Variants in RASGRF1 observed in about 807,000 individuals in gnomAD.
The protein encoded by RASGRF1 is ras-specific guanine nucleotide-releasing factor 1.
Under a neutral mutation model 138.7 loss-of-function variants are expected in RASGRF1, and 40 were observed. The ratio of observed to expected loss-of-function variants is 0.29; its 90% CI spans 0.22 to 0.38. The LOEUF (loss-of-function observed/expected upper bound fraction) is 0.38. Among genes scored for constraint, RASGRF1 ranks in the 10% least tolerant of loss-of-function variants. The pLI is 1.00. For synonymous variants in RASGRF1, 614 were observed against 663.2 expected (o/e 0.93, Z 1.14); for missense variants, 1,108 against 1,650.4 (o/e 0.67, Z 5.69).
intron 24 of RASGRF1, among the ~76,000 whole-genome samples, chr15:78,976,485 C>T (rs2055873568): frequency 6.6e-6 from 1 of 152,130 alleles, no homozygotes; most frequent in East Asian, 1.9e-4. Flanking sequence ...ATATGCGGCC[C>T]TTAGGCCACG....
chr15:79,031,012 T>G (rs1354642928), intron 8 of RASGRF1, among the ~76,000 whole-genome samples: 2 of 152,222 alleles, frequency 1.3e-5, no homozygotes, highest in South Asian at 4.1e-4. Context: ...AACTAGAGCC[T>G]TGGGCACATG....
At chr15:79,002,171 C>T (rs1277891760) in intron 15 of RASGRF1, among the ~76,000 whole-genome samples, 19 of 137,588 alleles carry the variant, frequency 1.4e-4, no homozygotes, top group African/African-American at 5.4e-4. Flanking sequence ...CACGATCTCT[C>T]TTTTTTTTTT....
intron 17 of RASGRF1, 115 bp from the exon 18 acceptor site, chr15:78,998,940 A>C: frequency 2.7e-6 from 2 of 743,868 alleles, no homozygotes; most frequent in Non-Finnish European, 4.8e-6. Context: ...TGAGGGGGTC[A>C]TGGGCAGGGG....
chr15:79,046,683 C>G lies in RASGRF1; in HGVS notation c.878+63G>C. The G allele has an allele frequency of 6.3e-7, 1 of 1,595,494 alleles. No homozygotes were observed. Among genetic ancestry groups the G allele is most frequent in the Non-Finnish European group, 8.6e-7 (1 of 1,167,108 alleles). ...AACCACGTGAGAGAGTGTGTCAAAG[C>G]TTAGCTGCGGCCAATGCTCACTAGT... is the stretch of plus-strand genomic sequence containing the variant. On this transcript the variant is annotated intron_variant, in intron 5 of 26. Transcript: ENST00000558480. The surrounding 1 kb of genome is among the most constrained non-coding windows in gnomAD (Gnocchi z 5.3).
At chr15:79,043,078 A>G (rs1595932385) in intron 5 of RASGRF1, among the ~76,000 whole-genome samples, 1 of 152,146 alleles carries the variant, frequency 6.6e-6, no homozygotes, top group African/African-American at 2.4e-5. Flanking sequence ...GGTAGAGGAG[A>G]GGAACCAGCC....
intron 13 of RASGRF1, among the ~76,000 whole-genome samples, chr15:79,011,157 G>A (rs918402180): frequency 6.6e-6 from 1 of 152,056 alleles, no homozygotes; most frequent in African/African-American, 2.4e-5. Flanking sequence ...CCACTCCCCT[G>A]GGTTTGGCCC....
Position 79,032,020 on chromosome 15 carries a change from G to C in RASGRF1, c.1152+103C>G, listed in dbSNP as rs2057146882. ...ACCACCTCCCCCGCCCCCTTTGGCA[G>C]CCCAGAGCTGGGGTGCGTTAAGCAC... is the stretch of plus-strand genomic sequence containing the variant. On this transcript the variant is annotated intron_variant, in intron 7 of 26. Coordinates refer to ENST00000558480, the MANE Select transcript of RASGRF1 (RefSeq NM_001145648.3). The surrounding 1 kb of genome is among the most constrained non-coding windows in gnomAD (Gnocchi z 4.5). 3 of 1,362,302 alleles carry C rather than the reference G, an allele frequency of 2.2e-6. No individual in the cohort carries two copies. The South Asian group carries it at 4.3e-5, about 20-fold the overall frequency. The allele number at this position is 1,362,302 out of a possible 1,614,324, so 84.4% of individuals were successfully genotyped here.
chr15:79,045,462 A>G (rs2057344497), intron 5 of RASGRF1, among the ~76,000 whole-genome samples: 1 of 152,236 alleles, frequency 6.6e-6, no homozygotes, highest in Non-Finnish European at 1.5e-5. Context: ...TTGAATGTCT[A>G]AGAACTGTGA....
chr15:78,997,135 C>T (rs2056411705), intron 19 of RASGRF1, among the ~76,000 whole-genome samples: 1 of 152,248 alleles, frequency 6.6e-6, no homozygotes, highest in Admixed American at 6.5e-5. Context: ...TTGCCCAGGT[C>T]ACATGAGTCA....
intron 5 of RASGRF1, among the ~76,000 whole-genome samples, chr15:79,036,781 G>T (rs1288909845): frequency 1.3e-5 from 2 of 151,966 alleles, no homozygotes; most frequent in Admixed American, 1.3e-4. Flanking sequence ...AGGGGTGAGG[G>T]AGATAAGAGA....
chr15:79,008,104 G>A (rs1483967558), intron 13 of RASGRF1, among the ~76,000 whole-genome samples: 1 of 152,202 alleles, frequency 6.6e-6, no homozygotes, highest in Non-Finnish European at 1.5e-5. Flanking sequence ...GCCTCCCAGA[G>A]TGCTGGGATT....
intron 23 of RASGRF1, among the ~76,000 whole-genome samples, chr15:78,982,349 G>A (rs7168964): frequency 0.32 from 48,303 of 151,982 alleles, 8,399 homozygotes; most frequent in African/African-American, 0.47. Flanking sequence ...CCACATCCCC[G>A]TGCTTGCTGT....
rs1389626939 is a variant in RASGRF1 at position 79,046,359 on chromosome 15, TG to T, written c.878+386del. On this transcript the variant is annotated intron_variant, in intron 5 of 26. Coordinates refer to ENST00000558480, the MANE Select transcript of RASGRF1 (RefSeq NM_001145648.3). This position sits in a 1 kb window ranked among gnomAD's most constrained non-coding sequence, Gnocchi z 5.3. Reference sequence around the variant, plus strand: ...TGACATTGTAGTTGGAATAATTCTTTGTTGATGGGGAACTGTCCTGCATATT... The same window carrying T: ...TGACATTGTAGTTGGAATAATTCTTTTTGATGGGGAACTGTCCTGCATATT... Among the ~76,000 whole-genome samples the T allele has an allele frequency of 1.3e-5, 2 of 152,234 alleles. No homozygotes were observed. Among genetic ancestry groups the T allele is most frequent in the African/African-American group, 2.4e-5 (1 of 41,460 alleles).
intron 1 of RASGRF1, among the ~76,000 whole-genome samples, chr15:79,084,843 A>G (rs1445122161): frequency 1.3e-5 from 2 of 152,128 alleles, no homozygotes; most frequent in Non-Finnish European, 2.9e-5. Context: ...AGGCAGAACC[A>G]TGGACTTCAG....
chr15:79,037,446 C>CTATTATTAT (rs564297781), intron 5 of RASGRF1, among the ~76,000 whole-genome samples: 12 of 150,814 alleles, frequency 8.0e-5, no homozygotes, highest in Admixed American at 5.3e-4. Flanking sequence ...CACTTTATTT[C>CTATTATTAT]TATTATTATT....
chr15:78,990,629 T>C (rs2056249757), intron 21 of RASGRF1, among the ~76,000 whole-genome samples: 1 of 152,142 alleles, frequency 6.6e-6, no homozygotes, highest in African/African-American at 2.4e-5. Flanking sequence ...CAGGGAGAAT[T>C]CACATTTTAG....
rs1463932632 is a variant in RASGRF1, at chr15:79,090,747, G to C, written c.-249C>G. The C allele has an allele frequency of 1.7e-5, 9 of 544,686 alleles. No individual in the cohort carries two copies. Among genetic ancestry groups the C allele is most frequent in the East Asian group, 6.4e-5 (2 of 31,396 alleles). The allele number at this position is 544,686 out of a possible 1,614,324, so 33.7% of individuals were successfully genotyped here. A position where few individuals can be genotyped will look rare whatever the true frequency, so the allele number is the denominator to read the frequency against. ...CCCCAGTACCCGGAAGATGCCGCCC[G>C]ACCCTCCTCCGGTGCCGGGCAAACT... On this transcript the variant is annotated 5_prime_UTR_variant, in exon 1 of 27. Coordinates refer to ENST00000558480, the MANE Select transcript of RASGRF1 (RefSeq NM_001145648.3).
At chr15:79,069,024 C>T (rs577569851) in intron 1 of RASGRF1, among the ~76,000 whole-genome samples, 2 of 152,300 alleles carry the variant, frequency 1.3e-5, no homozygotes, top group African/African-American at 4.8e-5. Context: ...GTCTGCACTC[C>T]ATCCTTCCCC....
intron 8 of RASGRF1, among the ~76,000 whole-genome samples, chr15:79,030,641 C>T (rs2057123747): frequency 6.6e-6 from 1 of 152,206 alleles, no homozygotes; most frequent in South Asian, 2.1e-4. Context: ...TTCTCCAGCT[C>T]GGTTGATGGC....
Sources: allele counts gnomAD v4.1 joint callset (sites outside exome capture counted in the v4.1 genomes callset), GRCh38; gene constraint gnomAD v4.1.1; non-coding constraint Gnocchi (gnomAD v3.1); transcripts MANE v1.5; gene names NCBI Gene and HGNC (gene_info 2026-07-23, HGNC 2026-07-21).